Variants in GRK5 observed in about 807,000 individuals in gnomAD.
GRK5 encodes the protein G protein-coupled receptor kinase 5, also known as g protein-coupled receptor kinase GRK5.
A neutral mutation model predicts 78.4 loss-of-function variants in GRK5; 40 were observed. The observed-to-expected ratio is 0.51, with a 90% CI of 0.40 to 0.66. GRK5 has a LOEUF of 0.66. Among genes scored for constraint, GRK5 ranks in the 30% least tolerant of loss-of-function variants. GRK5 has a pLI of 0.00. For missense variants in GRK5, 598 were observed against 759.9 expected (o/e 0.79, Z 2.50); for synonymous variants, 289 against 296.8 (o/e 0.97, Z 0.27).
chr10:119,456,155 GT>G lies in GRK5; in HGVS notation c.*1090del, dbSNP rs1341188148. The G allele has an allele frequency of 5.9e-5, 9 of 152,170 alleles. No homozygotes were observed. Among genetic ancestry groups the G allele is most frequent in the Non-Finnish European group, 1.2e-4 (8 of 68,108 alleles). The allele number at this position is 152,170 out of a possible 1,614,324, so 9.4% of individuals were successfully genotyped here. On this transcript the variant is annotated 3_prime_UTR_variant, in exon 16 of 16. Coordinates refer to ENST00000392870, the MANE Select transcript of GRK5 (RefSeq NM_005308.3). This position sits in a 1 kb window ranked among gnomAD's most constrained non-coding sequence, Gnocchi z 5.5. The stretch of plus-strand genomic sequence containing the variant: ...GGAGGCTGGCCCAGGGGCCCGGCAT[GT>G]TCCTGAAGCGTTCACAGGGTTTTGA...
chr10:119,385,923 C>T (rs1851786916), intron 3 of GRK5, among the ~76,000 whole-genome samples: 1 of 151,750 alleles, frequency 6.6e-6, no homozygotes, highest in Non-Finnish European at 1.5e-5. Context: ...CTTACTCGGT[C>T]ACCCAGGCTA....
intron 1 of GRK5, among the ~76,000 whole-genome samples, chr10:119,211,190 A>G (rs1188009570): frequency 6.6e-6 from 1 of 152,166 alleles, no homozygotes; most frequent in Non-Finnish European, 1.5e-5. Flanking sequence ...CAACTCGATC[A>G]CTCTTAGGAA....
intron 4 of GRK5, among the ~76,000 whole-genome samples, chr10:119,422,855 G>C (rs1445407742): frequency 1.3e-5 from 2 of 152,230 alleles, no homozygotes; most frequent in Non-Finnish European, 2.9e-5. Flanking sequence ...TGAGGAATGA[G>C]GCTCAGAGAA....
In GRK5 at chr10:119,444,896, C is replaced by A. The variant is rs543162626; in HGVS notation, c.1266+1144C>A. Among the ~76,000 whole-genome samples, 65 of 152,328 alleles carry A rather than the reference C, an allele frequency of 4.3e-4. 1 individual carries two copies. Among genetic ancestry groups the A allele is most frequent in the Non-Finnish European group, 4.4e-4 (30 of 68,030 alleles). ...AGTCCTGGGAGTTGATTAAAAGTCG[C>A]AATGCTTCTGCTCAGGAAGACCTGA... On this transcript the variant is annotated intron_variant, in intron 12 of 15. Coordinates refer to ENST00000392870, the MANE Select transcript of GRK5 (RefSeq NM_005308.3).
At position 119,339,553 on chromosome 10, in the gene GRK5, G is replaced by A. The variant is rs138478009; in HGVS notation, c.148+12942G>A. Among the ~76,000 whole-genome samples, 277 of 152,182 alleles carry A rather than the reference G, an allele frequency of 1.8e-3. 1 individual carries two copies. The highest frequency in any genetic ancestry group is 6.5e-3 in the African/African-American group (271 of 41,520). The stretch of plus-strand genomic sequence containing the variant: ...GAGTGGGGGGTTGCAGGGAAGAAAA[G>A]CCATGGGTTGTAGGATATTTGGGGC... On this transcript the variant is annotated intron_variant, in intron 2 of 15. Coordinates refer to ENST00000392870, the MANE Select transcript of GRK5 (RefSeq NM_005308.3).
At chr10:119,413,965 G>T (rs1394690107) in intron 4 of GRK5, among the ~76,000 whole-genome samples, 1 of 152,190 alleles carries the variant, frequency 6.6e-6, no homozygotes, top group African/African-American at 2.4e-5. Flanking sequence ...GGCGGCCAGG[G>T]TATGGTTGTG....
chr10:119,340,270 G>A (rs1414196455), intron 2 of GRK5, among the ~76,000 whole-genome samples: 1 of 148,424 alleles, frequency 6.7e-6, no homozygotes, highest in Non-Finnish European at 1.5e-5. Context: ...GGGATTACAG[G>A]TGTGCGCCAC....
At chr10:119,265,475 A>G (rs1157356794) in intron 1 of GRK5, among the ~76,000 whole-genome samples, 1 of 152,158 alleles carries the variant, frequency 6.6e-6, no homozygotes, top group African/African-American at 2.4e-5. Flanking sequence ...TGATGGGATT[A>G]GTGCCTTTAG....
Position 119,337,543 on chromosome 10 carries a change from A to G in GRK5, c.148+10932A>G, listed in dbSNP as rs559962426. ...TTTGGTGTTCTGTGGCTGTAGACTCATCAGCCCTATCCCTGTCTTCACCTT... is the reference window on the plus strand; with the variant it reads ...TTTGGTGTTCTGTGGCTGTAGACTCGTCAGCCCTATCCCTGTCTTCACCTT... On this transcript the variant is annotated intron_variant, in intron 2 of 15. Coordinates refer to ENST00000392870, the MANE Select transcript of GRK5 (RefSeq NM_005308.3). Among the ~76,000 whole-genome samples, 20 of 152,268 alleles carry G rather than the reference A, an allele frequency of 1.3e-4. 1 individual carries two copies. In the East Asian group the frequency reaches 3.9e-3, roughly 29 times the overall value.
intron 1 of GRK5, among the ~76,000 whole-genome samples, chr10:119,310,857 G>A (rs1589736346): frequency 6.6e-6 from 1 of 152,212 alleles, no homozygotes; most frequent in Non-Finnish European, 1.5e-5. Context: ...GGTTCAGAGA[G>A]GTTGGGGAAG....
chr10:119,412,323 C>T lies in GRK5; in HGVS notation c.340-10843C>T, dbSNP rs758129207. On this transcript the variant is annotated intron_variant, in intron 4 of 15. Coordinates refer to ENST00000392870, the MANE Select transcript of GRK5 (RefSeq NM_005308.3). This position sits in a 1 kb window ranked among gnomAD's most constrained non-coding sequence, Gnocchi z 4.3. Reference sequence around the variant, plus strand: ...CTGCCTGGCAGGGCTGTGCCTGGCACGGTGCCCGGGCCGTGCAGTCCATCG... The same window carrying T: ...CTGCCTGGCAGGGCTGTGCCTGGCATGGTGCCCGGGCCGTGCAGTCCATCG... Among the ~76,000 whole-genome samples the T allele has an allele frequency of 7.2e-4, 109 of 152,176 alleles. No homozygotes were observed. The highest frequency in any genetic ancestry group is 1.3e-3 in the Non-Finnish European group (90 of 68,036).
At chr10:119,385,095 C>T (rs575023527) in intron 3 of GRK5, among the ~76,000 whole-genome samples, 8 of 150,470 alleles carry the variant, frequency 5.3e-5, no homozygotes, top group Non-Finnish European at 1.0e-4. Flanking sequence ...CCTGAAGGCA[C>T]GAGTGTCCGC....
chr10:119,381,874 A>T (rs1283744570), intron 3 of GRK5, among the ~76,000 whole-genome samples: 2 of 152,160 alleles, frequency 1.3e-5, no homozygotes, highest in African/African-American at 2.4e-5. Context: ...TAGGGTTTCA[A>T]GTCTCTGTAT....
intron 1 of GRK5, among the ~76,000 whole-genome samples, chr10:119,317,770 G>A (rs1444169150): frequency 6.6e-6 from 1 of 152,134 alleles, no homozygotes; most frequent in Non-Finnish European, 1.5e-5. Flanking sequence ...GTCTCTTCAG[G>A]TCCTTTTTAG....
At chr10:119,425,316 T>C (rs4752308) in intron 6 of GRK5, among the ~76,000 whole-genome samples, 77,808 of 146,426 alleles carry the variant, frequency 0.53, 20,210 homozygotes, top group Admixed American at 0.64. Context: ...TTCACGCAAA[T>C]GTAAACAGCA....
At chr10:119,281,251 C>G (rs1849757895) in intron 1 of GRK5, among the ~76,000 whole-genome samples, 2 of 151,922 alleles carry the variant, frequency 1.3e-5, no homozygotes, top group South Asian at 4.2e-4. Flanking sequence ...TCACCTTCCT[C>G]TCAGGGACTC....
At chr10:119,441,767 C>A (rs560975053) in intron 10 of GRK5, among the ~76,000 whole-genome samples, 142 of 152,320 alleles carry the variant, frequency 9.3e-4, no homozygotes, top group African/African-American at 3.3e-3. Context: ...GTCCAGGCAT[C>A]CTATTGCATC....
chr10:119,389,505 A>G (rs1386251206), intron 3 of GRK5, among the ~76,000 whole-genome samples: 1 of 152,212 alleles, frequency 6.6e-6, no homozygotes, highest in Admixed American at 6.5e-5. Flanking sequence ...ATGGGTTTAT[A>G]TAGTGCACAT....
chr10:119,361,782 G>A (rs1029763368), intron 2 of GRK5, among the ~76,000 whole-genome samples: 7 of 152,068 alleles, frequency 4.6e-5, no homozygotes, highest in African/African-American at 1.4e-4. Flanking sequence ...CCAACATGGC[G>A]AAACCCTGTC....
Sources: gnomAD v4.1 joint callset for allele counts (sites outside exome capture counted in the v4.1 genomes callset) on GRCh38, gnomAD v4.1.1 for gene constraint, Gnocchi (gnomAD v3.1) non-coding constraint, MANE v1.5 for transcripts, NCBI Gene and HGNC (gene_info 2026-07-23, HGNC 2026-07-21) for gene names.